ASTN2: variants seen among roughly 807,000 people sequenced by gnomAD.
ASTN2 encodes the protein astrotactin-2.
A neutral mutation model predicts 139.8 loss-of-function variants in ASTN2; 54 were observed. The ratio of observed to expected loss-of-function variants is 0.39; its 90% CI spans 0.31 to 0.48. The LOEUF (loss-of-function observed/expected upper bound fraction) is 0.48. Ranked by LOEUF, ASTN2 falls within the 20% of genes least tolerant of loss-of-function variation. The pLI is 0.95. For synonymous variants in ASTN2, 756 were observed against 719.5 expected (o/e 1.05, Z -0.81); for missense variants, 1,565 against 1,725.1 (o/e 0.91, Z 1.64).
intron 12 of ASTN2, among the ~76,000 whole-genome samples, chr9:116,816,774 C>T (rs970604598): frequency 3.3e-5 from 5 of 152,050 alleles, no homozygotes; most frequent in South Asian, 4.2e-4. Flanking sequence ...TTTTGGAGAA[C>T]GTAAACTGAT....
At chr9:117,215,685 G>C (rs1832295778) in intron 2 of ASTN2, among the ~76,000 whole-genome samples, 1 of 152,062 alleles carries the variant, frequency 6.6e-6, no homozygotes, top group Admixed American at 6.6e-5. Context: ...CCTGTCATGA[G>C]CTTGAAGTTG....
At chr9:116,476,848 C>T (rs1376084368) in intron 20 of ASTN2, among the ~76,000 whole-genome samples, 1 of 152,174 alleles carries the variant, frequency 6.6e-6, no homozygotes, top group African/African-American at 2.4e-5. Flanking sequence ...TCAGCCTGTT[C>T]TCCAAACCAT....
Position 116,698,976 on chromosome 9 carries a change from A to G in ASTN2, c.2806+26795T>C. The G allele has an allele frequency of 1.2e-6, 2 of 1,614,144 alleles. No individual in the cohort carries two copies. Among genetic ancestry groups the G allele is most frequent in the Non-Finnish European group, 1.7e-6 (2 of 1,180,014 alleles). ...TTTGAAGGAAATCCGCCGCAGCCCC[A>G]GTGGCATTGATAGCTTTGTGCTAAG... On this transcript the variant is annotated intron_variant, in intron 16 of 22. Transcript: ENST00000313400. The surrounding 1 kb of genome is among the most constrained non-coding windows in gnomAD (Gnocchi z 4.4).
intron 3 of ASTN2, among the ~76,000 whole-genome samples, chr9:117,158,983 C>T (rs923359367): frequency 6.6e-6 from 1 of 151,930 alleles, no homozygotes; most frequent in Non-Finnish European, 1.5e-5. Context: ...GCCCTCCCTA[C>T]CTCATCCTCT....
At chr9:116,665,374 G>C (rs1264107050) in intron 16 of ASTN2, among the ~76,000 whole-genome samples, 1 of 152,050 alleles carries the variant, frequency 6.6e-6, no homozygotes, top group Non-Finnish European at 1.5e-5. Context: ...ACTAATTCAG[G>C]TATTAAGAAG....
intron 14 of ASTN2, among the ~76,000 whole-genome samples, chr9:116,730,666 T>A (rs963957540): frequency 6.6e-6 from 1 of 152,200 alleles, no homozygotes; most frequent in African/African-American, 2.4e-5. Flanking sequence ...TGCTCATTCA[T>A]GTTCAAAGCA....
At chr9:117,375,530 A>G (rs1429157127) in intron 1 of ASTN2, among the ~76,000 whole-genome samples, 2 of 152,216 alleles carry the variant, frequency 1.3e-5, no homozygotes, top group Non-Finnish European at 2.9e-5. Context: ...ATGATCTTAT[A>G]CAGTCCTCAT....
chr9:117,399,041 C>T (rs1830752382), intron 1 of ASTN2, among the ~76,000 whole-genome samples: 1 of 152,182 alleles, frequency 6.6e-6, no homozygotes, highest in Admixed American at 6.5e-5. Context: ...ACCTCGGCCT[C>T]CCAAAGTGCT....
intron 12 of ASTN2, among the ~76,000 whole-genome samples, chr9:116,810,081 A>C (rs1295597194): frequency 1.3e-5 from 2 of 152,130 alleles, no homozygotes; most frequent in Admixed American, 6.5e-5. Context: ...CAAATAAGAA[A>C]CTAGCTTTTG....
chr9:117,243,972 C>T (rs1292523806), intron 2 of ASTN2, among the ~76,000 whole-genome samples: 1 of 152,044 alleles, frequency 6.6e-6, no homozygotes, highest in Non-Finnish European at 1.5e-5. Flanking sequence ...TAGGGAGAGA[C>T]CTGGTAGGAT....
intron 11 of ASTN2, among the ~76,000 whole-genome samples, chr9:116,834,749 G>T (rs1309135621): frequency 1.3e-5 from 2 of 152,064 alleles, no homozygotes; most frequent in African/African-American, 2.4e-5. Context: ...TTTAATTTTG[G>T]TATTTAAACT....
intron 1 of ASTN2, among the ~76,000 whole-genome samples, chr9:117,408,635 G>A (rs1831075794): frequency 6.6e-6 from 1 of 152,154 alleles, no homozygotes; most frequent in Admixed American, 6.5e-5. Flanking sequence ...GAGTAATTTT[G>A]CAGACTGAGG....
intron 2 of ASTN2, among the ~76,000 whole-genome samples, chr9:117,262,756 G>C (rs1201825462): frequency 6.6e-6 from 1 of 152,170 alleles, no homozygotes; most frequent in Non-Finnish European, 1.5e-5. Context: ...CTTATCATGA[G>C]AGATTATCCT....
intron 2 of ASTN2, among the ~76,000 whole-genome samples, chr9:117,278,063 G>C (rs1834236404): frequency 6.6e-6 from 1 of 152,202 alleles, no homozygotes; most frequent in Admixed American, 6.5e-5. Flanking sequence ...AATACAAGCA[G>C]GCGCTGTAAT....
intron 13 of ASTN2, among the ~76,000 whole-genome samples, chr9:116,761,965 G>A (rs1174222219): frequency 6.6e-6 from 1 of 152,218 alleles, no homozygotes; most frequent in African/African-American, 2.4e-5. Flanking sequence ...TGCTGGCGAA[G>A]ATTCTTAGAT....
intron 10 of ASTN2, among the ~76,000 whole-genome samples, chr9:116,875,692 C>T (rs1027924298): frequency 2.0e-5 from 3 of 152,222 alleles, no homozygotes; most frequent in Admixed American, 1.3e-4. Flanking sequence ...GGCTGTCTCT[C>T]TCATTAGGGG....
chr9:116,552,325 G>A (rs1852389434), intron 19 of ASTN2: 1 of 152,142 alleles, frequency 6.6e-6, no homozygotes, highest in Non-Finnish European at 1.5e-5. Context: ...GAGAAAATTG[G>A]TGTCAGAGTT....
At chr9:117,152,355 A>C (rs977422710) in intron 3 of ASTN2, among the ~76,000 whole-genome samples, 1 of 152,110 alleles carries the variant, frequency 6.6e-6, no homozygotes. Flanking sequence ...TTCATGTTCA[A>C]ATTTTACTAT....
chr9:117,147,930 C>T (rs1370200909), intron 3 of ASTN2, among the ~76,000 whole-genome samples: 1 of 152,112 alleles, frequency 6.6e-6, no homozygotes, highest in East Asian at 1.9e-4. Flanking sequence ...CATTTCTGGG[C>T]CTGGATGGTG....
Sources: gnomAD v4.1 joint callset for allele counts (sites outside exome capture counted in the v4.1 genomes callset) on GRCh38, gnomAD v4.1.1 for gene constraint, Gnocchi (gnomAD v3.1) non-coding constraint, MANE v1.5 for transcripts, NCBI Gene and HGNC (gene_info 2026-07-23, HGNC 2026-07-21) for gene names.